The following DPP10 variants were observed in gnomAD, a reference collection of about 807,000 sequenced individuals.
DPP10 encodes dipeptidyl peptidase like 10.
Under a neutral mutation model 120.9 loss-of-function variants are expected in DPP10, and 33 were observed. The observed-to-expected ratio is 0.27, with a 90% CI of 0.21 to 0.37. The LOEUF (loss-of-function observed/expected upper bound fraction) is 0.37. Ranked by LOEUF, DPP10 falls within the 10% of genes least tolerant of loss-of-function variation. The pLI is 1.00. For synonymous variants in DPP10, 337 were observed against 326.1 expected (o/e 1.03, Z -0.36); for missense variants, 816 against 942.8 (o/e 0.87, Z 1.76).
At chr2:114,570,608 G>A (rs1485696379) in intron 1 of DPP10, among the ~76,000 whole-genome samples, 3 of 151,700 alleles carry the variant, frequency 2.0e-5, no homozygotes, top group East Asian at 1.9e-4. Context: ...GGTGGATCAC[G>A]AGGTCAGGAG....
intron 3 of DPP10, among the ~76,000 whole-genome samples, chr2:115,488,874 GTAT>G (rs2075920394): frequency 2.5e-5 from 1 of 39,258 alleles, no homozygotes; most frequent in African/African-American, 5.1e-5. Context: ...AAAACTTAGA[GTAT>G]AATAAAAAAA....
At chr2:115,759,275 T>A (rs1281932929) in intron 11 of DPP10, among the ~76,000 whole-genome samples, 4 of 151,968 alleles carry the variant, frequency 2.6e-5, no homozygotes, top group Non-Finnish European at 4.4e-5. Flanking sequence ...TACTCAACAT[T>A]TGGTCAGGTA....
At chr2:115,274,561 C>G (rs535093433) in intron 1 of DPP10, among the ~76,000 whole-genome samples, 1 of 152,234 alleles carries the variant, frequency 6.6e-6, no homozygotes, top group East Asian at 1.9e-4. Context: ...AAAAAATTTA[C>G]ACAGCGGAGG....
intron 3 of DPP10, among the ~76,000 whole-genome samples, chr2:115,404,914 C>T (rs2068396213): frequency 6.6e-6 from 1 of 152,188 alleles, no homozygotes; most frequent in Admixed American, 6.5e-5. Context: ...AAGGCAGTAC[C>T]TCCCAACAGT....
At position 115,414,861 on chromosome 2, in the gene DPP10, G is replaced by C. The variant is rs553360933; in HGVS notation, c.271+70949G>C. ...CTATTTGCAAGTCAAGTCTCAAGAT[G>C]GTATACTATCTCCAGGAAAAGGCTT... On this transcript the variant is annotated intron_variant, in intron 3 of 25. Coordinates refer to ENST00000410059, the MANE Select transcript of DPP10 (RefSeq NM_020868.6). Among the ~76,000 whole-genome samples, 11 of 151,964 alleles carry C rather than the reference G, an allele frequency of 7.2e-5. 1 individual carries two copies. The South Asian group carries it at 2.3e-3, about 32-fold the overall frequency.
intron 1 of DPP10, among the ~76,000 whole-genome samples, chr2:115,244,884 T>C (rs1288291938): frequency 6.6e-6 from 1 of 151,640 alleles, no homozygotes; most frequent in African/African-American, 2.4e-5. Context: ...GGAACAGGTG[T>C]TTTCTGTTAC....
At chr2:115,565,467 A>G (rs2080942078) in intron 5 of DPP10, among the ~76,000 whole-genome samples, 1 of 151,914 alleles carries the variant, frequency 6.6e-6, no homozygotes, top group African/African-American at 2.4e-5. Context: ...AAAGAAAATT[A>G]ATGTACGTAA....
chr2:114,972,645 G>T, intron 1 of DPP10, among the ~76,000 whole-genome samples: 1 of 152,138 alleles, frequency 6.6e-6, no homozygotes. Context: ...GTGAAGAATG[G>T]TTACTATCAG....
intron 1 of DPP10, among the ~76,000 whole-genome samples, chr2:114,464,695 G>A (rs906506836): frequency 1.3e-5 from 2 of 151,934 alleles, no homozygotes; most frequent in African/African-American, 4.8e-5. Flanking sequence ...ATTAATTTCT[G>A]TTGCCCTAAA....
chr2:115,474,377 G>A (rs990341898), intron 3 of DPP10, among the ~76,000 whole-genome samples: 8 of 152,172 alleles, frequency 5.3e-5, no homozygotes, highest in African/African-American at 1.7e-4. Flanking sequence ...GTAGGAATTA[G>A]AAAACATCAT....
chr2:115,113,668 C>T (rs1174363806), intron 1 of DPP10, among the ~76,000 whole-genome samples: 2 of 152,150 alleles, frequency 1.3e-5, no homozygotes, highest in Non-Finnish European at 2.9e-5. Context: ...ATCTCCTCTC[C>T]ACTTCCTTCA....
intron 1 of DPP10, among the ~76,000 whole-genome samples, chr2:115,016,828 C>A (rs1487782310): frequency 1.3e-5 from 2 of 152,122 alleles, no homozygotes; most frequent in East Asian, 3.9e-4. Context: ...CAATGATAGA[C>A]TGGATTAAGA....
chr2:114,446,883 A>G (rs903706931), intron 1 of DPP10, among the ~76,000 whole-genome samples: 2 of 152,178 alleles, frequency 1.3e-5, no homozygotes, highest in African/African-American at 4.8e-5. Context: ...AAATCTTATC[A>G]CAAGTATGTA....
chr2:115,544,876 G>A (rs967074492), intron 5 of DPP10, among the ~76,000 whole-genome samples: 21 of 152,028 alleles, frequency 1.4e-4, no homozygotes, highest in African/African-American at 2.9e-4. Flanking sequence ...ATTTTGGTTC[G>A]TATTTTCTGT....
At chr2:114,681,820 T>C (rs1039649100) in intron 1 of DPP10, among the ~76,000 whole-genome samples, 3 of 152,050 alleles carry the variant, frequency 2.0e-5, no homozygotes, top group African/African-American at 4.8e-5. Flanking sequence ...ATTAATTTGC[T>C]ATATTTTATG....
At chr2:115,812,766 GCA>G (rs929455646) in intron 19 of DPP10, among the ~76,000 whole-genome samples, 8 of 152,004 alleles carry the variant, frequency 5.3e-5, no homozygotes, top group Non-Finnish European at 2.9e-5. Flanking sequence ...AATTTCTATG[GCA>G]CAGTTTATTT....
At chr2:115,582,453 T>G (rs1044679788) in intron 5 of DPP10, among the ~76,000 whole-genome samples, 1 of 152,188 alleles carries the variant, frequency 6.6e-6, no homozygotes, top group African/African-American at 2.4e-5. Flanking sequence ...ATTGGGAGAC[T>G]GCCTTTCCCT....
intron 1 of DPP10, among the ~76,000 whole-genome samples, chr2:114,458,813 A>C (rs1678716916): frequency 1.3e-5 from 2 of 152,204 alleles, no homozygotes; most frequent in Non-Finnish European, 2.9e-5. Flanking sequence ...AAGCAAATGC[A>C]CTATTGAAGA....
chr2:114,570,313 G>T lies in DPP10; in HGVS notation c.60+127475G>T, dbSNP rs147475867. Among the ~76,000 whole-genome samples the T allele has an allele frequency of 4.3e-4, 65 of 152,096 alleles. 2 individuals carry two copies. In the East Asian group the frequency reaches 9.7e-3, roughly 23 times the overall value. ...GCCAGGAAACCTGGAGTGTAGTCTG[G>T]GTACTATATCTCACTCAAAGATAAA... On this transcript the variant is annotated intron_variant, in intron 1 of 25. Transcript: ENST00000410059.
Sources: allele counts gnomAD v4.1 joint callset (sites outside exome capture counted in the v4.1 genomes callset), GRCh38; gene constraint gnomAD v4.1.1; transcripts MANE v1.5; gene names NCBI Gene and HGNC (gene_info 2026-07-23, HGNC 2026-07-21).